The following ABCC11 variants were observed in gnomAD, a reference collection of about 807,000 sequenced individuals.
ABCC11 encodes ATP binding cassette subfamily C member 11.
In ABCC11, 135 loss-of-function variants were observed where a neutral mutation model predicts 149.3. The ratio of observed to expected loss-of-function variants is 0.90; its 90% CI spans 0.79 to 1.04. The LOEUF is 1.04. Among genes scored for constraint, ABCC11 ranks in the 50% least tolerant of loss-of-function variants. ABCC11 has a pLI of 0.00. For synonymous variants in ABCC11, 665 were observed against 671.4 expected (o/e 0.99, Z 0.15); for missense variants, 1,680 against 1,722.1 (o/e 0.98, Z 0.43).
At chr16:48,212,770 C>G (rs528655467) in intron 10 of ABCC11, among the ~76,000 whole-genome samples, 1 of 152,146 alleles carries the variant, frequency 6.6e-6, no homozygotes, top group Non-Finnish European at 1.5e-5. Flanking sequence ...GATAATAGGT[C>G]GTGGACTGCA....
chr16:48,199,803 T>C (rs998650897), intron 15 of ABCC11, among the ~76,000 whole-genome samples: 2 of 149,718 alleles, frequency 1.3e-5, no homozygotes, highest in African/African-American at 4.9e-5. Context: ...GCCTCCCCAG[T>C]AGCTGGGACC....
intron 12 of ABCC11, among the ~76,000 whole-genome samples, chr16:48,206,847 G>A (rs181323339): frequency 1.3e-5 from 2 of 152,326 alleles, no homozygotes; most frequent in African/African-American, 4.8e-5. Flanking sequence ...ATGGGTCATC[G>A]TGAGTATGCC....
In ABCC11 at chr16:48,238,570, A is replaced by C. The variant is rs1425075725; in HGVS notation, c.-18-6631T>G. Among the ~76,000 whole-genome samples, 3 of 152,052 alleles carry C rather than the reference A, an allele frequency of 2.0e-5. No homozygotes were observed. The East Asian group carries it at 5.8e-4, about 29-fold the overall frequency. ...GGCCAAACCCAAGTCAAATCTCAAC[A>C]TGCAGAAATGGTCAAATCCAAAACA... On this transcript the variant is annotated intron_variant, in intron 1 of 29. Transcript: ENST00000356608.
intron 28 of ABCC11, 52 bp downstream of exon 28, chr16:48,170,053 C>A (rs1241556319): frequency 4.3e-5 from 65 of 1,502,366 alleles, no homozygotes; most frequent in Non-Finnish European, 5.8e-5. Context: ...TGGCTTCCCT[C>A]ATCATGCGTA....
At chr16:48,207,124 C>T (rs757370362) in intron 12 of ABCC11, among the ~76,000 whole-genome samples, 3 of 151,612 alleles carry the variant, frequency 2.0e-5, no homozygotes, top group East Asian at 1.9e-4. Flanking sequence ...AGGGAAAAGC[C>T]GAAGAAAGGA....
rs768630336 is a variant in ABCC11, at chr16:48,170,113, T to C, written c.3883A>G (p.Asn1295Asp). ...LLCIARAVLR[N>D]SKIILIDEAT... ...GGCAGTGGTGGCCTCACCTTGGAGT[T>C]GCGAAGCACAGCCCTGGCAATGCAG... The change falls in exon 28 of 30, where the codon AAC becomes GAC. Residue 1295 changes from asparagine to aspartate, a missense_variant. Transcript: ENST00000356608. 5.6e-6 allele frequency: 9 copies of C among 1,613,750 alleles called. No individual in the cohort carries two copies. The highest frequency in any genetic ancestry group is 7.6e-6 in the Non-Finnish European group (9 of 1,179,754).
chr16:48,234,807 G>A (rs902793360), intron 1 of ABCC11, among the ~76,000 whole-genome samples: 2 of 152,142 alleles, frequency 1.3e-5, no homozygotes, highest in Admixed American at 6.5e-5. Context: ...AGCCAAAAAA[G>A]GATTACTGTG....
intron 19 of ABCC11, 143 bp from the exon 20 acceptor site, chr16:48,192,860 G>C (rs1967052082): frequency 1.3e-6 from 1 of 790,214 alleles, no homozygotes; most frequent in Admixed American, 2.3e-5. Context: ...TCAGCGCTTG[G>C]CTACTCTCTT....
At chr16:48,188,908 G>A (rs1966848087) in intron 20 of ABCC11, among the ~76,000 whole-genome samples, 1 of 152,210 alleles carries the variant, frequency 6.6e-6, no homozygotes, top group African/African-American at 2.4e-5. Context: ...GAAAGAGGAG[G>A]GAAGGACATT....
Position 48,233,206 on chromosome 16 carries a change from A to C in ABCC11, c.-18-1267T>G, listed in dbSNP as rs142974661. Reference sequence around the variant, plus strand: ...ACAGAGCAAGACCCCATCTCAAAAAACAAAACAAAACAAACATTCAAATAT... The same window carrying C: ...ACAGAGCAAGACCCCATCTCAAAAACCAAAACAAAACAAACATTCAAATAT... On this transcript the variant is annotated intron_variant, in intron 1 of 29. Transcript: ENST00000356608. 1.5e-3 allele frequency among the ~76,000 whole-genome samples: 229 copies of C among 152,332 alleles called. 1 individual carries two copies. The highest frequency in any genetic ancestry group is 5.2e-3 in the African/African-American group (218 of 41,578).
chr16:48,224,541 A>C lies in ABCC11; in HGVS notation c.396-112T>G, dbSNP rs549677857. 28 of 1,203,106 alleles carry C rather than the reference A, an allele frequency of 2.3e-5. No individual in the cohort carries two copies. In the Middle Eastern group the frequency reaches 1.2e-3, roughly 51 times the overall value. The allele number at this position is 1,203,106 out of a possible 1,614,324, so 74.5% of individuals were successfully genotyped here. A position where few individuals can be genotyped will look rare whatever the true frequency, so the allele number is the denominator to read the frequency against. On this transcript the variant is annotated intron_variant, in intron 4 of 29. Coordinates refer to ENST00000356608, the MANE Select transcript of ABCC11 (RefSeq NM_001370497.1). ...CAGAAATTTTCAAACATAACAGAAT[A>C]GAACAATGTAGTAATCTTCTGAGTA...
intron 23 of ABCC11, among the ~76,000 whole-genome samples, chr16:48,180,751 T>C (rs1183431267): frequency 6.6e-6 from 1 of 152,112 alleles, no homozygotes; most frequent in Non-Finnish European, 1.5e-5. Flanking sequence ...GAGACAGAGT[T>C]TTTGAAGGCT....
chr16:48,182,440 ATT>A lies in ABCC11; in HGVS notation c.3258+1998_3258+1999del, dbSNP rs545036742. On this transcript the variant is annotated intron_variant, in intron 23 of 29. Transcript: ENST00000356608. ...GCACTGGCCGTGCTCTCTTCCAGGC[ATT>A]CAGTGCTCACCACACTGCATGAGAT... 3.2e-3 allele frequency among the ~76,000 whole-genome samples: 484 copies of A among 152,196 alleles called. 5 individuals carry two copies. Among genetic ancestry groups the A allele is most frequent in the African/African-American group, 0.011 (462 of 41,542 alleles).
At chr16:48,213,414 G>A (rs1969085047) in intron 10 of ABCC11, 29 bp downstream of exon 10, 1 of 1,580,588 alleles carries the variant, frequency 6.3e-7, no homozygotes, top group African/African-American at 1.4e-5. Context: ...CCAAGCAGGG[G>A]GCCTACAGCC....
chr16:48,242,542 C>T (rs1458992798), intron 1 of ABCC11, among the ~76,000 whole-genome samples: 2 of 152,190 alleles, frequency 1.3e-5, no homozygotes, highest in African/African-American at 4.8e-5. Flanking sequence ...CATCCCATTG[C>T]TGGGTATATA....
At chr16:48,211,553 A>G (rs1018755716) in intron 10 of ABCC11, among the ~76,000 whole-genome samples, 2 of 152,162 alleles carry the variant, frequency 1.3e-5, no homozygotes, top group Admixed American at 1.3e-4. Context: ...ATTAAATTCT[A>G]TTTAGATTGG....
In ABCC11 at chr16:48,218,926, G is replaced by A. The variant is rs754693379; in HGVS notation, c.778-2639C>T. 5.3e-5 allele frequency among the ~76,000 whole-genome samples: 8 copies of A among 152,128 alleles called. 1 individual carries two copies. The highest frequency in any genetic ancestry group is 1.2e-4 in the Non-Finnish European group (8 of 68,024). On this transcript the variant is annotated intron_variant, in intron 6 of 29. Transcript: ENST00000356608. ...TAAGGACGATCTATGTGTGCTAACT[G>A]GAAAGCTCTGGAAAGCTCAGTCACA...
downstream of ABCC11, chr16:48,164,986 C>T (rs1266587575): frequency 6.6e-6 from 1 of 152,090 alleles, no homozygotes; most frequent in African/African-American, 2.4e-5. Context: ...GGCGAATTAT[C>T]TCCGGGGATC....
At position 48,200,456 on chromosome 16, in the gene ABCC11, G is replaced by A. The variant is rs749990392; in HGVS notation, c.1902C>T (p.Leu634=). 3 of 1,614,082 alleles carry A rather than the reference G, an allele frequency of 1.9e-6. No homozygotes were observed. The highest frequency in any genetic ancestry group is 2.2e-5 in the South Asian group (2 of 91,080). The change falls in exon 15 of 30, where the codon CTC becomes CTT. Residue 634 remains leucine, a synonymous_variant. Coordinates refer to ENST00000356608, the MANE Select transcript of ABCC11 (RefSeq NM_001370497.1). ...MTEIGERGLN[L]SGGQKQRISL... ...TGATCCTCTGTTTCTGCCCCCCAGA[G>A]AGGTTGAGGCCCCGCTCTCCAATCT...
Sources: gnomAD v4.1 joint callset for allele counts (sites outside exome capture counted in the v4.1 genomes callset) on GRCh38, gnomAD v4.1.1 for gene constraint, MANE v1.5 for transcripts, NCBI Gene and HGNC (gene_info 2026-07-23, HGNC 2026-07-21) for gene names.